The following SEC63 variants were observed in gnomAD, a reference collection of about 807,000 sequenced individuals.
The protein encoded by SEC63 is SEC63 protein translocation regulator, also known as translocation protein SEC63 homolog.
A neutral mutation model predicts 116.2 loss-of-function variants in SEC63; 56 were observed. The ratio of observed to expected loss-of-function variants is 0.48; its 90% CI spans 0.39 to 0.60. SEC63 has a LOEUF of 0.60. Among genes scored for constraint, SEC63 ranks in the 20% least tolerant of loss-of-function variants. SEC63 has a pLI of 0.00. For synonymous variants in SEC63, 273 were observed against 294.6 expected (o/e 0.93, Z 0.75); for missense variants, 668 against 900.0 (o/e 0.74, Z 3.30).
chr6:107,912,499 C>T (rs529980263), intron 6 of SEC63, among the ~76,000 whole-genome samples: 9 of 152,256 alleles, frequency 5.9e-5, no homozygotes, highest in East Asian at 3.9e-4. Context: ...GCAGGAGAAT[C>T]GCTTGAACCC....
intron 16 of SEC63, among the ~76,000 whole-genome samples, chr6:107,888,506 G>A (rs1293642159): frequency 1.3e-5 from 2 of 152,262 alleles, no homozygotes; most frequent in East Asian, 1.9e-4. Flanking sequence ...AGACGATGGG[G>A]TTTTCTAAAT....
In SEC63 at chr6:107,929,428, T is replaced by A. The variant is rs761219014; in HGVS notation, c.211A>T (p.Ile71Phe). The change falls in exon 2 of 21, where the codon ATT (isoleucine) becomes TTT (phenylalanine). Residue 71 changes from isoleucine to phenylalanine, a missense_variant. Coordinates refer to ENST00000369002, the MANE Select transcript of SEC63 (RefSeq NM_007214.5). Reference sequence around the variant, plus strand: ...TCCATTACTTACTTTACTGTAGGAATAATATTTGGCTGGGGTTTTAATAAC... The same window carrying A: ...TCCATTACTTACTTTACTGTAGGAAAAATATTTGGCTGGGGTTTTAATAAC... ...LRLLKPQPNI[I>F]PTVKKIVLLA... 27 of 1,560,298 alleles carry A rather than the reference T, an allele frequency of 1.7e-5. No individual in the cohort carries two copies. Among genetic ancestry groups the A allele is most frequent in the Non-Finnish European group, 2.2e-5 (25 of 1,131,316 alleles).
intron 4 of SEC63, among the ~76,000 whole-genome samples, chr6:107,917,291 A>G (rs975112373): frequency 1.7e-4 from 26 of 152,134 alleles, no homozygotes; most frequent in African/African-American, 6.0e-4. Flanking sequence ...CTGTTAATAG[A>G]TATGTGGGTA....
At position 107,901,423 on chromosome 6, in the gene SEC63, A is replaced by T. The variant is rs1389417817; in HGVS notation, c.1304T>A (p.Val435Asp). ...TGGAAAACTCCCAAGGACAGCCATA[A>T]CCTCTTCATATTTTTCATCTTCAAG... ...HFLEDEKYEE[V>D]MAVLGSFPYV... Residue 435 changes from valine (V) to aspartate (D), a missense_variant, in exon 13 of 21, where the codon GTT (valine) becomes GAT (aspartate). By Grantham distance (152) the Val-to-Asp change is radical. This residue lies in a region of SEC63 where 430 missense variants were observed against 557.5 expected (regional missense o/e 0.77). Coordinates refer to ENST00000369002, the MANE Select transcript of SEC63 (RefSeq NM_007214.5). The T allele has an allele frequency of 6.2e-7, 1 of 1,613,394 alleles. No homozygotes were observed. Among genetic ancestry groups the T allele is most frequent in the East Asian group, 2.2e-5 (1 of 44,788 alleles).
intron 2 of SEC63, among the ~76,000 whole-genome samples, chr6:107,927,715 G>A (rs1465912898): frequency 1.3e-5 from 2 of 152,076 alleles, no homozygotes; most frequent in African/African-American, 2.4e-5. Context: ...GGTATCCTCA[G>A]GGGACTGATT....
chr6:107,913,317 T>A lies in SEC63; in HGVS notation c.514+49A>T, dbSNP rs780540871. 7 of 1,139,564 alleles carry A rather than the reference T, an allele frequency of 6.1e-6. No homozygotes were observed. In the Admixed American group the frequency reaches 1.2e-4, roughly 19 times the overall value. 70.6% of individuals were successfully genotyped at this position (1,139,564 alleles called of 1,614,324 possible). ...ATTCCTTTAATCTGGTTAACATTTTTATAATATATACCATATCGCCAATAT... is the reference window on the plus strand; with the variant it reads ...ATTCCTTTAATCTGGTTAACATTTTAATAATATATACCATATCGCCAATAT... On this transcript the variant is annotated intron_variant, in intron 5 of 20. Coordinates refer to ENST00000369002, the MANE Select transcript of SEC63 (RefSeq NM_007214.5).
At chr6:107,908,062 T>C (rs1181876333) in intron 8 of SEC63, among the ~76,000 whole-genome samples, 1 of 152,232 alleles carries the variant, frequency 6.6e-6, no homozygotes, top group East Asian at 1.9e-4. Flanking sequence ...TTCAGAAATG[T>C]AAAATCTGTT....
In SEC63 at chr6:107,893,626, T is replaced by C. The variant is rs768317798; in HGVS notation, c.1530A>G (p.Lys510=). The change falls in exon 16 of 21, where the codon AAA becomes AAG. Residue 510 remains lysine (K), a synonymous_variant. Transcript: ENST00000369002. ...GQGETNKNRT[K]GGWQQKSKGP... ...CTTTACTCTTCTGTTGCCATCCTCCTTTTGTCCTGTTCTTGTTAGTTTCAC... is the reference window on the plus strand; with the variant it reads ...CTTTACTCTTCTGTTGCCATCCTCCCTTTGTCCTGTTCTTGTTAGTTTCAC... 2 of 1,613,886 alleles carry C rather than the reference T, an allele frequency of 1.2e-6. No homozygotes were observed. Among genetic ancestry groups the C allele is most frequent in the South Asian group, 2.2e-5 (2 of 91,048 alleles).
At chr6:107,943,255 A>G (rs185249457) in intron 1 of SEC63, among the ~76,000 whole-genome samples, 1 of 152,254 alleles carries the variant, frequency 6.6e-6, no homozygotes, top group East Asian at 1.9e-4. Context: ...ATTTAATACT[A>G]CATTTCTCTC....
chr6:107,957,119 T>C (rs749458734), intron 1 of SEC63: 2 of 152,162 alleles, frequency 1.3e-5, no homozygotes, highest in African/African-American at 2.4e-5. Flanking sequence ...TGTGCTTTAA[T>C]TCGATGTTGT....
At position 107,958,153 on chromosome 6, in the gene SEC63, G is replaced by A; in HGVS notation, c.-144C>T. The A allele has an allele frequency of 3.8e-6, 5 of 1,299,266 alleles. No individual in the cohort carries two copies. Among genetic ancestry groups the A allele is most frequent in the Non-Finnish European group, 5.4e-6 (5 of 932,006 alleles). 80.5% of individuals were successfully genotyped at this position (1,299,266 alleles called of 1,614,324 possible). On this transcript the variant is annotated 5_prime_UTR_variant, in exon 1 of 21. Coordinates refer to ENST00000369002, the MANE Select transcript of SEC63 (RefSeq NM_007214.5). ...CTCCCCGCCCCCACGCCACTCTCACGGACACGCCGCCGCCACCTCTGCCGC... is the reference window on the plus strand; with the variant it reads ...CTCCCCGCCCCCACGCCACTCTCACAGACACGCCGCCGCCACCTCTGCCGC...
In SEC63 at chr6:107,904,266, C is replaced by A. The variant is rs535077244; in HGVS notation, c.1054+363G>T. 3.3e-5 allele frequency among the ~76,000 whole-genome samples: 5 copies of A among 151,144 alleles called. No individual in the cohort carries two copies. The South Asian group carries it at 1.0e-3, about 32-fold the overall frequency. ...CTCTACCAAAAATACAAAAATTAGCCAGGTGTGGTGGTACGCGCCTGTAAT... is the reference window on the plus strand; with the variant it reads ...CTCTACCAAAAATACAAAAATTAGCAAGGTGTGGTGGTACGCGCCTGTAAT... On this transcript the variant is annotated intron_variant, in intron 11 of 20. Transcript: ENST00000369002.
rs182403193 is a variant in SEC63 at position 107,932,694 on chromosome 6, G to C, written c.125-3180C>G. The stretch of plus-strand genomic sequence containing the variant: ...CTACGAATGAATGTCTTTTAATAAA[G>C]AAATACAAATGCAGTTCTAAATACA... On this transcript the variant is annotated intron_variant, in intron 1 of 20. Transcript: ENST00000369002. Among the ~76,000 whole-genome samples the C allele has an allele frequency of 7.0e-4, 106 of 152,200 alleles. 2 individuals are homozygous for C. Among genetic ancestry groups the C allele is most frequent in the Admixed American group, 4.7e-3 (72 of 15,290 alleles).
At chr6:107,926,520 T>G (rs897300404) in intron 2 of SEC63, among the ~76,000 whole-genome samples, 3 of 152,176 alleles carry the variant, frequency 2.0e-5, no homozygotes, top group Admixed American at 2.0e-4. Flanking sequence ...AATTAAGGCA[T>G]GAGCCACCGC....
chr6:107,909,722 G>C (rs1432111415), intron 7 of SEC63, among the ~76,000 whole-genome samples: 1 of 152,110 alleles, frequency 6.6e-6, no homozygotes, highest in East Asian at 1.9e-4. Flanking sequence ...ACAAATGTAG[G>C]CATAATTTTA....
At chr6:107,884,837 G>A (rs1786491833) in intron 16 of SEC63, among the ~76,000 whole-genome samples, 1 of 151,740 alleles carries the variant, frequency 6.6e-6, no homozygotes, top group Admixed American at 6.6e-5. Context: ...GGAATACTAA[G>A]CTATGACCAA....
At chr6:107,920,028 A>T (rs945254003) in intron 4 of SEC63, among the ~76,000 whole-genome samples, 1 of 152,098 alleles carries the variant, frequency 6.6e-6, no homozygotes, top group African/African-American at 2.4e-5. Context: ...TCAAGGCAAG[A>T]CCCTCCACCA....
In SEC63 at chr6:107,883,078, G is replaced by A; in HGVS notation, c.1743C>T (p.Thr581=). ...CTTTCTCACTTTGGGAATCTCTATT[G>A]GTTTCTTCTTCTTCAGAATCACTGC... ...DKGSDSEEEE[T]NRDSQSEKDD... The change falls in exon 17 of 21, where the codon ACC becomes ACT. Residue 581 remains threonine, a synonymous_variant. Transcript: ENST00000369002. 1 of 1,612,760 alleles carries A rather than the reference G, an allele frequency of 6.2e-7. No individual in the cohort carries two copies. Among genetic ancestry groups the A allele is most frequent in the Non-Finnish European group, 8.5e-7 (1 of 1,179,412 alleles).
At chr6:107,929,916 C>T (rs1411050492) in intron 1 of SEC63, among the ~76,000 whole-genome samples, 1 of 152,130 alleles carries the variant, frequency 6.6e-6, no homozygotes, top group Non-Finnish European at 1.5e-5. Context: ...AGAAATAATA[C>T]TCTTCAAACA....
Sources: gnomAD v4.1 joint callset for allele counts (sites outside exome capture counted in the v4.1 genomes callset) on GRCh38, gnomAD v4.1.1 for gene constraint, gnomAD v4.1.1 regional missense constraint, MANE v1.5 for transcripts, NCBI Gene and HGNC (gene_info 2026-07-23, HGNC 2026-07-21) for gene names.